PHLDB2: variants seen among roughly 807,000 people sequenced by gnomAD.
The protein encoded by PHLDB2 is pleckstrin homology-like domain family B member 2.
PHLDB2 carries 71 observed loss-of-function variants against 123.6 expected under a neutral mutation model. The observed-to-expected ratio is 0.57, with a 90% CI of 0.47 to 0.70. PHLDB2 has a LOEUF of 0.70. Among genes scored for constraint, PHLDB2 ranks in the 30% least tolerant of loss-of-function variants. The pLI, the probability that PHLDB2 is intolerant of heterozygous loss-of-function variation, is 0.00. For missense variants in PHLDB2, 1,446 were observed against 1,519.5 expected (o/e 0.95, Z 0.80); for synonymous variants, 547 against 541.6 (o/e 1.01, Z -0.14).
chr3:111,780,372 A>G (rs868447427), intron 1 of PHLDB2, among the ~76,000 whole-genome samples: 63 of 39,952 alleles, frequency 1.6e-3, no homozygotes, highest in South Asian at 3.2e-3. Context: ...AAGAAGAAGA[A>G]GAAGAAGAAG....
At chr3:111,950,359 T>C (rs959962838) in intron 10 of PHLDB2, among the ~76,000 whole-genome samples, 1 of 152,282 alleles carries the variant, frequency 6.6e-6, no homozygotes, top group African/African-American at 2.4e-5. Context: ...TTTTAATCTG[T>C]TTTATAAATT....
At chr3:111,839,141 G>A (rs1174454349) in intron 1 of PHLDB2, among the ~76,000 whole-genome samples, 2 of 152,142 alleles carry the variant, frequency 1.3e-5, no homozygotes, top group Non-Finnish European at 2.9e-5. Flanking sequence ...GGGTGCAAGT[G>A]AGGATAAATT....
At chr3:111,828,286 C>T (rs2062764152) in intron 1 of PHLDB2, among the ~76,000 whole-genome samples, 1 of 152,154 alleles carries the variant, frequency 6.6e-6, no homozygotes, top group African/African-American at 2.4e-5. Context: ...GCTGAAGTTG[C>T]CCTGCCCCAG....
intron 12 of PHLDB2, chr3:111,957,243 C>T (rs746055307): frequency 7.9e-5 from 12 of 152,564 alleles, no homozygotes; most frequent in African/African-American, 1.4e-4. Flanking sequence ...CAGGAAAGTC[C>T]AAGAAAGGTA....
At chr3:111,939,352 A>G (rs897237750) in intron 6 of PHLDB2, 123 bp from the exon 7 acceptor site, 37 of 1,000,498 alleles carry the variant, frequency 3.7e-5, no homozygotes, top group Non-Finnish European at 4.5e-5. Context: ...TTATGTTCTA[A>G]CCCTGGTCAA....
chr3:111,913,200 G>T, intron 2 of PHLDB2, 119 bp from the exon 3 acceptor site: 2 of 1,119,112 alleles, frequency 1.8e-6, no homozygotes, highest in South Asian at 1.7e-5. Context: ...CCAGCCAAGT[G>T]TTTGTGGGTT....
At chr3:111,750,378 T>C (rs1024016264) in intron 1 of PHLDB2, among the ~76,000 whole-genome samples, 3 of 152,086 alleles carry the variant, frequency 2.0e-5, no homozygotes, top group African/African-American at 7.2e-5. Context: ...TAAATAAAAT[T>C]AAAGATTTAA....
chr3:111,877,977 A>G (rs577280134), intron 1 of PHLDB2, among the ~76,000 whole-genome samples: 70 of 152,296 alleles, frequency 4.6e-4, no homozygotes, highest in Admixed American at 8.5e-4. Context: ...CATTGAAGTC[A>G]GGTAGCATGA....
Position 111,974,455 on chromosome 3 carries a change from G to A in PHLDB2, c.3654G>A (p.Lys1218=). 3.1e-6 allele frequency: 5 copies of A among 1,612,542 alleles called. No individual in the cohort carries two copies. The South Asian group carries it at 5.5e-5, about 18-fold the overall frequency. The part of the protein sequence containing the change: ...SPNPLLTFSV[K]THDRIYYMVA... ...ATCCGTTACTCACCTTTAGCGTCAA[G>A]ACTCATGACAGAATCTATTATATGG... The change falls in exon 18 of 18, where the codon AAG becomes AAA. Residue 1218 remains lysine (K), a synonymous_variant. Transcript: ENST00000431670.
At chr3:111,812,976 GTA>G (rs959148740) in intron 1 of PHLDB2, among the ~76,000 whole-genome samples, 1 of 152,136 alleles carries the variant, frequency 6.6e-6, no homozygotes, top group Non-Finnish European at 1.5e-5. Context: ...TTTGTGACTG[GTA>G]TTTAATAGCT....
At chr3:111,918,009 T>C (rs1044408642) in intron 3 of PHLDB2, among the ~76,000 whole-genome samples, 1 of 152,158 alleles carries the variant, frequency 6.6e-6, no homozygotes, top group Non-Finnish European at 1.5e-5. Flanking sequence ...TCCAAAAAAA[T>C]TACTTCTTTT....
At chr3:111,819,351 A>G (rs2062257172) in intron 1 of PHLDB2, among the ~76,000 whole-genome samples, 1 of 152,138 alleles carries the variant, frequency 6.6e-6, no homozygotes, top group South Asian at 2.1e-4. Context: ...TGTAACCAAT[A>G]TTTTGTCAAG....
intron 1 of PHLDB2, among the ~76,000 whole-genome samples, chr3:111,773,549 G>A (rs965359979): frequency 2.6e-5 from 4 of 152,120 alleles, no homozygotes; most frequent in Admixed American, 6.5e-5. Flanking sequence ...CAAGCACTTT[G>A]CATTCATCCC....
At chr3:111,794,397 A>G (rs1246303489) in intron 1 of PHLDB2, among the ~76,000 whole-genome samples, 2 of 152,176 alleles carry the variant, frequency 1.3e-5, no homozygotes, top group Admixed American at 1.3e-4. Context: ...TGGCAATTCA[A>G]GACAGTCTTT....
At chr3:111,739,678 C>T (rs1232849947) in intron 1 of PHLDB2, among the ~76,000 whole-genome samples, 1 of 151,936 alleles carries the variant, frequency 6.6e-6, no homozygotes, top group Non-Finnish European at 1.5e-5. Flanking sequence ...GTCTCCCTGC[C>T]TCTCCCTGAG....
At chr3:111,769,813 T>C (rs2060143035) in intron 1 of PHLDB2, among the ~76,000 whole-genome samples, 1 of 152,216 alleles carries the variant, frequency 6.6e-6, no homozygotes. Flanking sequence ...CTCTATTCAG[T>C]AAGTATTTGG....
At position 111,839,107 on chromosome 3, in the gene PHLDB2, C is replaced by G. The variant is rs369566345; in HGVS notation, c.-48-6714C>G. 1.2e-3 allele frequency among the ~76,000 whole-genome samples: 178 copies of G among 152,272 alleles called. 1 individual carries two copies. Among genetic ancestry groups the G allele is most frequent in the African/African-American group, 4.2e-3 (173 of 41,578 alleles). ...TTGATTGTGGTCACCCTCTTTGTCT[C>G]TTCCATTACCCCTGGTACTGAGAGG... is the stretch of plus-strand genomic sequence containing the variant. On this transcript the variant is annotated intron_variant, in intron 1 of 17. Coordinates refer to the PHLDB2 transcript ENST00000393923.
chr3:111,846,524 A>C (rs1177457586), intron 2 of PHLDB2: 1 of 152,672 alleles, frequency 6.5e-6, no homozygotes, highest in Non-Finnish European at 1.5e-5. Flanking sequence ...TTGGTTACCT[A>C]GTTTCAGCCA....
chr3:111,967,560 A>C lies in PHLDB2; in HGVS notation c.3169-118A>C, dbSNP rs2071858814. The C allele has an allele frequency of 2.8e-6, 3 of 1,079,106 alleles. No homozygotes were observed. The South Asian group carries it at 6.4e-5, about 23-fold the overall frequency. 66.8% of individuals were successfully genotyped at this position (1,079,106 alleles called of 1,614,324 possible). A position where few individuals can be genotyped will look rare whatever the true frequency, so the allele number is the denominator to read the frequency against. On this transcript the variant is annotated intron_variant, in intron 14 of 17. Transcript: ENST00000431670. ...GTTTTCTTGTAGGTTATGTATTATA[A>C]GAGACTAGTCTACAAACCAAGATTT... is the stretch of plus-strand genomic sequence containing the variant.
Sources: allele counts gnomAD v4.1 joint callset (sites outside exome capture counted in the v4.1 genomes callset), GRCh38; gene constraint gnomAD v4.1.1; transcripts MANE v1.5; gene names NCBI Gene and HGNC (gene_info 2026-07-23, HGNC 2026-07-21).